The following ACSM3 variants were observed in gnomAD, a reference collection of about 807,000 sequenced individuals.
ACSM3 encodes acyl-coenzyme A synthetase ACSM3, mitochondrial.
A neutral mutation model predicts 74.1 loss-of-function variants in ACSM3; 61 were observed. The observed-to-expected ratio is 0.82, with a 90% CI of 0.67 to 1.02. The LOEUF (loss-of-function observed/expected upper bound fraction) is 1.02, where lower values mean the gene tolerates loss of function less well. Ranked by LOEUF, ACSM3 falls within the 50% of genes least tolerant of loss-of-function variation. The probability of loss-of-function intolerance (pLI) is 0.00; values close to 1 mark genes in which losing one functional copy is unlikely to be tolerated. For missense variants in ACSM3, 660 were observed against 697.0 expected, an observed-to-expected ratio of 0.95 and a Z score of 0.60; for synonymous variants, 213 against 241.5, an observed-to-expected ratio of 0.88 and a Z score of 1.09.
chr16:20,715,619 AAAAC>A (rs1299980681), intron 1 of ACSM3, among the ~76,000 whole-genome samples: 210 of 112,608 alleles, frequency 1.9e-3, no homozygotes, highest in Non-Finnish European at 3.7e-3. Flanking sequence ...AAAACAAAAC[AAAAC>A]AAAAAAAAAT....
chr16:20,726,343 C>T (rs1390627680), intron 1 of ACSM3, among the ~76,000 whole-genome samples: 1 of 152,136 alleles, frequency 6.6e-6, no homozygotes, highest in Non-Finnish European at 1.5e-5. Flanking sequence ...AAGAGAGGAG[C>T]AATTTAAGAA....
chr16:20,700,344 A>T (rs190286138), intron 1 of ACSM3, among the ~76,000 whole-genome samples: 1 of 152,304 alleles, frequency 6.6e-6, no homozygotes, highest in East Asian at 1.9e-4. Flanking sequence ...AGTCAATTAA[A>T]TAAGCAAGAG....
intron 1 of ACSM3, among the ~76,000 whole-genome samples, chr16:20,683,688 A>G (rs1567308583): frequency 7.6e-6 from 1 of 132,330 alleles, no homozygotes. Flanking sequence ...CGCCTGGCTA[A>G]TTCTTTCTTT....
intron 1 of ACSM3, among the ~76,000 whole-genome samples, chr16:20,745,333 C>T (rs1014286090): frequency 6.6e-6 from 1 of 152,204 alleles, no homozygotes; most frequent in Admixed American, 6.5e-5. Context: ...CGCTTGTAAT[C>T]CCAGCACTTT....
chr16:20,773,850 A>G (rs2080222687), intron 2 of ACSM3, among the ~76,000 whole-genome samples: 2 of 152,212 alleles, frequency 1.3e-5, no homozygotes, highest in Non-Finnish European at 2.9e-5. Context: ...GTTGGATAAA[A>G]TGTTGTGTAA....
chr16:20,762,152 C>T (rs558499889), upstream of ACSM3, among the ~76,000 whole-genome samples: 8 of 152,308 alleles, frequency 5.3e-5, no homozygotes, highest in Admixed American at 4.6e-4. Context: ...GCCTCAGTCT[C>T]TCACTCTGCC....
intron 7 of ACSM3, 54 bp downstream of exon 7, chr16:20,781,841 T>A: frequency 7.3e-7 from 1 of 1,375,772 alleles, no homozygotes; most frequent in Non-Finnish European, 1.0e-6. Flanking sequence ...AAGAGGAAGC[T>A]ATAAAATAAA....
chr16:20,770,963 C>T (rs760089892), intron 2 of ACSM3, among the ~76,000 whole-genome samples: 2 of 152,154 alleles, frequency 1.3e-5, no homozygotes, highest in Non-Finnish European at 2.9e-5. Context: ...CTCTACAGTG[C>T]TATAGAACAC....
intron 1 of ACSM3, among the ~76,000 whole-genome samples, chr16:20,676,466 G>A (rs2152288069): frequency 6.6e-6 from 1 of 152,320 alleles, no homozygotes; most frequent in Admixed American, 6.5e-5. Context: ...CTGAAAATCA[G>A]TGCATGGTGG....
intron 1 of ACSM3, among the ~76,000 whole-genome samples, chr16:20,765,853 A>C (rs1010227481): frequency 2.6e-5 from 4 of 152,236 alleles, no homozygotes; most frequent in African/African-American, 9.6e-5. Context: ...CAAAAATGTT[A>C]CGTCCCTAGA....
At chr16:20,786,397 T>A in intron 9 of ACSM3, 1 of 789,550 alleles carries the variant, frequency 1.3e-6, no homozygotes, top group Non-Finnish European at 1.7e-6. Flanking sequence ...GTTAACCCAT[T>A]AGGCTGGATG....
chr16:20,682,152 T>G (rs2079458652), intron 1 of ACSM3: 1 of 1,137,924 alleles, frequency 8.8e-7, no homozygotes, highest in African/African-American at 1.5e-5. Flanking sequence ...CTGGTGCACC[T>G]AAATAATAAA....
chr16:20,785,937 C>T, intron 8 of ACSM3, 141 bp from the exon 9 acceptor site: 1 of 504,230 alleles, frequency 2.0e-6, no homozygotes, highest in South Asian at 3.8e-5. Context: ...GTTATCACTA[C>T]ATTCCATGAG....
intron 1 of ACSM3, chr16:20,682,215 A>G (rs2079460153): frequency 6.3e-7 from 1 of 1,590,050 alleles, no homozygotes; most frequent in Admixed American, 1.7e-5. Context: ...ATCCCACAAC[A>G]ACTGTACTCA....
intron 3 of ACSM3, among the ~76,000 whole-genome samples, chr16:20,758,555 A>G (rs2080050293): frequency 1.3e-5 from 2 of 151,874 alleles, no homozygotes; most frequent in East Asian, 3.9e-4. Context: ...CGGTCTATCA[A>G]TTTTGTTGAT....
chr16:20,786,047 T>G (rs978820171), intron 8 of ACSM3, 31 bp from the exon 9 acceptor site: 1 of 1,416,496 alleles, frequency 7.1e-7, no homozygotes, highest in African/African-American at 1.5e-5. Context: ...TGACTTGTAA[T>G]GTTATCTTAC....
chr16:20,792,351 C>A lies in ACSM3; in HGVS notation c.1554+16C>A. 6.2e-7 allele frequency: 1 copy of A among 1,612,912 alleles called. No homozygotes were observed. Among genetic ancestry groups the A allele is most frequent in the East Asian group, 2.2e-5 (1 of 44,874 alleles). ...CAGAGGAGAGGTAAAAGAACTGATT[C>A]ATGTCAACTTTATAATTTGTTGGCA... On this transcript the variant is annotated intron_variant, in intron 12 of 13. Transcript: ENST00000289416.
chr16:20,753,621 G>A (rs1434731943), intron 2 of ACSM3, among the ~76,000 whole-genome samples: 1 of 151,924 alleles, frequency 6.6e-6, no homozygotes, highest in East Asian at 1.9e-4. Context: ...TCCACAATAA[G>A]GAAGAAAAAG....
intron 1 of ACSM3, among the ~76,000 whole-genome samples, chr16:20,706,083 A>T (rs1288485914): frequency 3.3e-5 from 5 of 149,672 alleles, no homozygotes; most frequent in Non-Finnish European, 7.4e-5. Flanking sequence ...ATCGTGGAAC[A>T]GTGTGTGTGT....
Sources: allele counts gnomAD v4.1 joint callset (sites outside exome capture counted in the v4.1 genomes callset), GRCh38; gene constraint gnomAD v4.1.1; transcripts MANE v1.5; gene names NCBI Gene and HGNC (gene_info 2026-07-23, HGNC 2026-07-21).